Variants in ZMYM2 observed in about 807,000 individuals in gnomAD.
ZMYM2 encodes the protein zinc finger MYM-type containing 2, also known as zinc finger MYM-type protein 2.
Under a neutral mutation model 162.8 loss-of-function variants are expected in ZMYM2, and 56 were observed. The observed-to-expected ratio is 0.34, with a 90% CI of 0.28 to 0.43. The LOEUF is 0.43. Among genes scored for constraint, ZMYM2 ranks in the 20% least tolerant of loss-of-function variants. The pLI, the probability that ZMYM2 is intolerant of heterozygous loss-of-function variation, is 1.00. For missense variants in ZMYM2, 1,275 were observed against 1,621.8 expected, an observed-to-expected ratio of 0.79 and a Z score of 3.67; for synonymous variants, 510 against 541.6, an observed-to-expected ratio of 0.94 and a Z score of 0.81.
chr13:19,870,449 T>C, the ZMYM2 span, among the ~76,000 whole-genome samples: 1 of 151,552 alleles, frequency 6.6e-6, no homozygotes, highest in South Asian at 2.1e-4. Flanking sequence ...TACACTGTCA[T>C]TTCTCTTTCT....
chr13:20,030,299 C>T (rs1400607540), intron 9 of ZMYM2, among the ~76,000 whole-genome samples: 4 of 149,078 alleles, frequency 2.7e-5, no homozygotes, highest in East Asian at 4.0e-4. Flanking sequence ...GGTGTGATCT[C>T]GGCTCACTGC....
At chr13:19,996,047 CTCTT>C (rs1447821240) in intron 3 of ZMYM2, among the ~76,000 whole-genome samples, 1 of 141,150 alleles carries the variant, frequency 7.1e-6, no homozygotes, top group Non-Finnish European at 1.5e-5. Flanking sequence ...GTCTCTCTCT[CTCTT>C]TAACCTCTCC....
intron 12 of ZMYM2, among the ~76,000 whole-genome samples, chr13:20,037,787 A>T (rs1249686134): frequency 2.0e-5 from 3 of 152,192 alleles, no homozygotes; most frequent in Non-Finnish European, 1.5e-5. Flanking sequence ...CAGGTTTTTT[A>T]TATAGGTAAA....
chr13:20,058,191 C>T (rs1955955051), intron 14 of ZMYM2, among the ~76,000 whole-genome samples: 1 of 152,020 alleles, frequency 6.6e-6, no homozygotes, highest in Non-Finnish European at 1.5e-5. Flanking sequence ...TATCAGAGAG[C>T]CATAATAACT....
chr13:19,933,532 A>G, the ZMYM2 span, among the ~76,000 whole-genome samples: 3 of 152,168 alleles, frequency 2.0e-5, no homozygotes, highest in Admixed American at 6.6e-5. Context: ...TATTTGCTCA[A>G]TTGTTGCCTG....
chr13:20,035,649 T>C (rs1268840394), intron 11 of ZMYM2, among the ~76,000 whole-genome samples: 1 of 152,190 alleles, frequency 6.6e-6, no homozygotes, highest in Non-Finnish European at 1.5e-5. Context: ...AAATAGGTAA[T>C]TGACATTCAA....
intron 22 of ZMYM2, 132 bp downstream of exon 22, chr13:20,082,262 C>T (rs2141043627): frequency 1.5e-6 from 1 of 686,906 alleles, no homozygotes; most frequent in East Asian, 3.2e-5. Context: ...TCGAGCTCAT[C>T]TGCCTTTCAT....
intron 18 of ZMYM2, among the ~76,000 whole-genome samples, chr13:20,063,799 AAATATAT>A (rs1407809013): frequency 8.7e-5 from 1 of 11,430 alleles, no homozygotes; most frequent in African/African-American, 1.3e-4. Context: ...TATATATAAA[AAATATAT>A]AATATATATA....
the ZMYM2 span, among the ~76,000 whole-genome samples, chr13:19,888,843 C>T: frequency 6.6e-6 from 1 of 151,798 alleles, no homozygotes; most frequent in Non-Finnish European, 1.5e-5. Flanking sequence ...GAGTGATCCA[C>T]CCGCCACGGC....
the ZMYM2 span, among the ~76,000 whole-genome samples, chr13:19,923,615 T>G: frequency 6.7e-6 from 1 of 148,822 alleles, no homozygotes; most frequent in Non-Finnish European, 1.5e-5. Flanking sequence ...CACCCCAACT[T>G]CCTAAGTAGT....
At chr13:19,938,145 A>G in the ZMYM2 span, among the ~76,000 whole-genome samples, 4 of 152,174 alleles carry the variant, frequency 2.6e-5, no homozygotes, top group Admixed American at 6.5e-5. Flanking sequence ...AGCATGATTT[A>G]TAATCCTTTG....
the ZMYM2 span, among the ~76,000 whole-genome samples, chr13:19,873,069 A>T: frequency 6.6e-6 from 1 of 152,206 alleles, no homozygotes; most frequent in East Asian, 1.9e-4. Context: ...TTCAGGCATA[A>T]TGTCTCTTTA....
intron 6 of ZMYM2, among the ~76,000 whole-genome samples, chr13:20,016,301 T>C (rs1271174757): frequency 2.6e-5 from 4 of 152,162 alleles, no homozygotes; most frequent in Admixed American, 2.0e-4. Context: ...TCCCTCTTTT[T>C]GTTATAGATT....
At chr13:19,902,856 A>G in the ZMYM2 span, among the ~76,000 whole-genome samples, 1 of 151,716 alleles carries the variant, frequency 6.6e-6, no homozygotes, top group Non-Finnish European at 1.5e-5. Flanking sequence ...TCTACAGAAA[A>G]TAAAAATAAA....
At chr13:19,907,942 T>C in the ZMYM2 span, among the ~76,000 whole-genome samples, 1 of 152,154 alleles carries the variant, frequency 6.6e-6, no homozygotes, top group African/African-American at 2.4e-5. Flanking sequence ...CCTCTCTTTC[T>C]TCACACTTGA....
the ZMYM2 span, among the ~76,000 whole-genome samples, chr13:19,915,333 G>C: frequency 6.6e-6 from 1 of 152,078 alleles, no homozygotes; most frequent in African/African-American, 2.4e-5. Context: ...GGTCTCAAGC[G>C]ATCTTTGCAC....
chr13:20,048,949 C>CT (rs1317040494), intron 12 of ZMYM2, among the ~76,000 whole-genome samples: 2 of 151,362 alleles, frequency 1.3e-5, no homozygotes, highest in East Asian at 1.9e-4. Flanking sequence ...CTTAATAGTT[C>CT]TTTTTTGCAA....
At position 19,982,073 on chromosome 13, in the gene ZMYM2, C is replaced by G. The variant is rs902310994; in HGVS notation, c.-10-10990C>G. 3.3e-5 allele frequency among the ~76,000 whole-genome samples: 5 copies of G among 152,220 alleles called. No homozygotes were observed. The South Asian group carries it at 6.2e-4, about 19-fold the overall frequency. On this transcript the variant is annotated intron_variant, in intron 2 of 24. Transcript: ENST00000610343. The stretch of plus-strand genomic sequence containing the variant: ...TTTAGGTGGAGGTTAGGTCTCAGCA[C>G]CAGTCCTGAGTATGTATCAGTTTAT...
chr13:20,000,210 CT>C (rs1313710477), intron 3 of ZMYM2, among the ~76,000 whole-genome samples: 2 of 152,160 alleles, frequency 1.3e-5, no homozygotes, highest in African/African-American at 4.8e-5. Flanking sequence ...GGCGCTAACT[CT>C]TTTTCAGTTT....
Sources: allele counts gnomAD v4.1 joint callset (sites outside exome capture counted in the v4.1 genomes callset), GRCh38; gene constraint gnomAD v4.1.1; transcripts MANE v1.5; gene names NCBI Gene and HGNC (gene_info 2026-07-23, HGNC 2026-07-21).